SORCS1: variants seen among roughly 807,000 people sequenced by gnomAD.
The protein encoded by SORCS1 is sortilin related VPS10 domain containing receptor 1, also known as VPS10 domain-containing receptor SorCS1.
SORCS1 carries 60 observed loss-of-function variants against 146.1 expected under a neutral mutation model. The observed-to-expected ratio is 0.41, with a 90% CI of 0.33 to 0.51. The LOEUF is 0.51. Ranked by LOEUF, SORCS1 falls within the 20% of genes least tolerant of loss-of-function variation. SORCS1 has a pLI of 0.21. For missense variants in SORCS1, 1,352 were observed against 1,487.6 expected (o/e 0.91, Z 1.50); for synonymous variants, 637 against 584.0 (o/e 1.09, Z -1.31).
chr10:106,725,655 C>T (rs1364109431), intron 6 of SORCS1, among the ~76,000 whole-genome samples: 1 of 151,490 alleles, frequency 6.6e-6, no homozygotes. Context: ...AAGAGGCCAG[C>T]CATGGTGGCT....
intron 2 of SORCS1, among the ~76,000 whole-genome samples, chr10:106,899,591 C>CA (rs1444739553): frequency 2.1e-5 from 2 of 97,526 alleles, no homozygotes; most frequent in Admixed American, 1.1e-4. Context: ...GCCACCAGGG[C>CA]TTTTTTTTTT....
intron 19 of SORCS1, among the ~76,000 whole-genome samples, chr10:106,626,280 A>G (rs781722933): frequency 9.9e-5 from 15 of 152,236 alleles, no homozygotes; most frequent in African/African-American, 3.6e-4. Flanking sequence ...TGATAGAAAA[A>G]TCAAGTTTTA....
intron 1 of SORCS1, among the ~76,000 whole-genome samples, chr10:107,075,541 T>A (rs567501683): frequency 6.6e-6 from 1 of 152,152 alleles, no homozygotes; most frequent in African/African-American, 2.4e-5. Context: ...ACAGAAAAAA[T>A]CATGAAGACT....
chr10:106,699,803 C>A (rs1853997657), intron 8 of SORCS1, among the ~76,000 whole-genome samples: 1 of 152,064 alleles, frequency 6.6e-6, no homozygotes, highest in Non-Finnish European at 1.5e-5. Flanking sequence ...ATAGACAAAC[C>A]CTGCATGTCT....
At chr10:107,131,991 A>C (rs913003184) in intron 1 of SORCS1, among the ~76,000 whole-genome samples, 2 of 152,184 alleles carry the variant, frequency 1.3e-5, no homozygotes, top group Non-Finnish European at 2.9e-5. Flanking sequence ...TTTTCCATCA[A>C]TGTTTCTTTC....
intron 1 of SORCS1, among the ~76,000 whole-genome samples, chr10:107,157,437 T>C (rs1969375447): frequency 6.6e-6 from 1 of 151,986 alleles, no homozygotes; most frequent in African/African-American, 2.4e-5. Flanking sequence ...GTAGATGATA[T>C]TTGTCTTTCC....
rs57279379 is a variant in SORCS1 at position 107,137,862 on chromosome 10, C to CAA, written c.558+26105_558+26106dup. ...GGGCAACAAGAGCGAAACTCCGTCT[C>CAA]AAAAAAAAAAAAAAAAAATTCAATA... On this transcript the variant is annotated intron_variant, in intron 1 of 25. Coordinates refer to ENST00000263054, the MANE Select transcript of SORCS1 (RefSeq NM_052918.5). 6.4e-3 allele frequency among the ~76,000 whole-genome samples: 614 copies of CAA among 95,496 alleles called. 6 individuals carry two copies. Among genetic ancestry groups the CAA allele is most frequent in the African/African-American group, 0.018 (501 of 27,932 alleles). The allele number at this position is 95,496 out of a possible 152,430, so 62.6% of individuals were successfully genotyped here.
At chr10:106,742,036 C>T (rs1857401736) in intron 5 of SORCS1, among the ~76,000 whole-genome samples, 1 of 152,102 alleles carries the variant, frequency 6.6e-6, no homozygotes, top group African/African-American at 2.4e-5. Context: ...CACTAAGAGG[C>T]TATTGCCCTC....
intron 5 of SORCS1, among the ~76,000 whole-genome samples, chr10:106,730,624 C>A (rs886407052): frequency 6.6e-6 from 1 of 152,136 alleles, no homozygotes; most frequent in African/African-American, 2.4e-5. Flanking sequence ...TCTGTATTGT[C>A]GAACCCGTGT....
chr10:106,968,033 T>C (rs1955584501), intron 1 of SORCS1, among the ~76,000 whole-genome samples: 1 of 146,418 alleles, frequency 6.8e-6, no homozygotes, highest in Non-Finnish European at 1.5e-5. Context: ...TGAAACCCCG[T>C]CTCTACTAAA....
chr10:107,164,723 G>A (rs889544287), upstream of SORCS1, among the ~76,000 whole-genome samples: 4 of 150,190 alleles, frequency 2.7e-5, no homozygotes, highest in African/African-American at 9.7e-5. The surrounding 1 kb of genome is among the most constrained non-coding windows in gnomAD (Gnocchi z 6.8). Context: ...CGCGGGTCCG[G>A]ACGGAGCGAG....
At chr10:107,119,001 C>A (rs1342708967) in intron 1 of SORCS1, among the ~76,000 whole-genome samples, 1 of 152,172 alleles carries the variant, frequency 6.6e-6, no homozygotes, top group Admixed American at 6.6e-5. Context: ...AGAACTCCCA[C>A]ATGACTCACA....
intron 19 of SORCS1, among the ~76,000 whole-genome samples, chr10:106,621,039 A>C (rs1847710336): frequency 1.3e-5 from 2 of 152,160 alleles, no homozygotes; most frequent in South Asian, 4.1e-4. Context: ...GTATGTGTGA[A>C]TGTGTTCGTG....
chr10:107,018,289 C>T (rs1465574380), intron 1 of SORCS1, among the ~76,000 whole-genome samples: 1 of 152,106 alleles, frequency 6.6e-6, no homozygotes, highest in Non-Finnish European at 1.5e-5. Flanking sequence ...ATTCTCCTGC[C>T]TCAGCCTCCC....
chr10:106,871,660 A>C (rs1950410122), intron 2 of SORCS1, among the ~76,000 whole-genome samples: 1 of 152,202 alleles, frequency 6.6e-6, no homozygotes, highest in Non-Finnish European at 1.5e-5. Flanking sequence ...CAAATACCCC[A>C]TGTTCTCATT....
At chr10:106,649,110 A>G (rs1849670278) in intron 18 of SORCS1, among the ~76,000 whole-genome samples, 1 of 152,130 alleles carries the variant, frequency 6.6e-6, no homozygotes, top group Non-Finnish European at 1.5e-5. Flanking sequence ...TCACTCTCCA[A>G]GCCCAGGTGT....
At chr10:107,180,344 T>G in the SORCS1 span, among the ~76,000 whole-genome samples, 1 of 152,144 alleles carries the variant, frequency 6.6e-6, no homozygotes, top group Non-Finnish European at 1.5e-5. Flanking sequence ...ACTTTACATT[T>G]ATGTTCATGA....
chr10:106,844,208 TC>T (rs1482460939), intron 2 of SORCS1, among the ~76,000 whole-genome samples: 1 of 152,248 alleles, frequency 6.6e-6, no homozygotes, highest in Non-Finnish European at 1.5e-5. Context: ...CTATTCGTGT[TC>T]TTTGCCCATT....
chr10:106,942,454 T>C (rs959748887), intron 2 of SORCS1, among the ~76,000 whole-genome samples: 1 of 152,178 alleles, frequency 6.6e-6, no homozygotes, highest in African/African-American at 2.4e-5. Context: ...AGCACAGTCA[T>C]GCTGACCCCA....
Sources: allele counts gnomAD v4.1 joint callset (sites outside exome capture counted in the v4.1 genomes callset), GRCh38; gene constraint gnomAD v4.1.1; non-coding constraint Gnocchi (gnomAD v3.1); transcripts MANE v1.5; gene names NCBI Gene and HGNC (gene_info 2026-07-23, HGNC 2026-07-21).